Variants in EVL observed in about 807,000 individuals in gnomAD.
The protein encoded by EVL is ena/VASP-like protein.
A neutral mutation model predicts 59.6 loss-of-function variants in EVL; 21 were observed. The ratio of observed to expected loss-of-function variants is 0.35; its 90% CI spans 0.25 to 0.51. EVL has a LOEUF of 0.51. EVL is among the 20% of genes least tolerant of loss of function. The probability of loss-of-function intolerance (pLI) is 0.97; values close to 1 mark genes in which losing one functional copy is unlikely to be tolerated. For missense variants in EVL, 462 were observed against 546.6 expected, an observed-to-expected ratio of 0.85 and a Z score of 1.54; for synonymous variants, 198 against 203.5, an observed-to-expected ratio of 0.97 and a Z score of 0.23.
intron 1 of EVL, chr14:100,074,632 A>T (rs1595135700): frequency 6.5e-6 from 1 of 152,720 alleles, no homozygotes; most frequent in East Asian, 1.9e-4. Context: ...GCTGGCCTTA[A>T]CTCTCTGTAC....
intron 1 of EVL, among the ~76,000 whole-genome samples, chr14:99,993,941 G>GC (rs1246759796): frequency 6.6e-6 from 1 of 151,562 alleles, no homozygotes; most frequent in Non-Finnish European, 1.5e-5. Flanking sequence ...TGATCTGCCT[G>GC]CCTCAGCTTC....
chr14:100,010,540 C>T (rs752660159), intron 1 of EVL, among the ~76,000 whole-genome samples: 8 of 152,196 alleles, frequency 5.3e-5, no homozygotes, highest in Non-Finnish European at 8.8e-5. Context: ...GGATTACAGG[C>T]ATGTGCCACC....
chr14:100,129,494 C>T, intron 6 of EVL, 69 bp from the exon 7 acceptor site: 2 of 1,603,680 alleles, frequency 1.2e-6, no homozygotes, highest in Non-Finnish European at 1.7e-6. Context: ...CCTGCATCCC[C>T]TCACATCGTT....
intron 5 of EVL, 85 bp downstream of exon 5, chr14:100,126,856 G>A (rs756116377): frequency 1.8e-4 from 235 of 1,341,216 alleles, no homozygotes; most frequent in Non-Finnish European, 2.0e-4. Flanking sequence ...AGGGACACAC[G>A]GGGCGCTCTG....
chr14:100,039,654 AAAC>A (rs906598644), intron 1 of EVL, among the ~76,000 whole-genome samples: 8 of 146,954 alleles, frequency 5.4e-5, no homozygotes, highest in Non-Finnish European at 1.1e-4. Context: ...ATTTCTAAAT[AAAC>A]AACAACAGTG....
chr14:99,971,656 G>C (rs1292520612), exon 1 of EVL: 2 of 150,136 alleles, frequency 1.3e-5, no homozygotes, highest in Admixed American at 1.3e-4. Flanking sequence ...GGAGCCGCCC[G>C]CGCACTCGCC....
chr14:100,023,035 C>T (rs1440306713), intron 1 of EVL, among the ~76,000 whole-genome samples: 2 of 152,080 alleles, frequency 1.3e-5, no homozygotes, highest in Non-Finnish European at 2.9e-5. Flanking sequence ...CTGCCTGGGT[C>T]CCACGCCTAG....
At chr14:99,981,636 T>C (rs2060806944) in intron 1 of EVL, among the ~76,000 whole-genome samples, 7 of 152,208 alleles carry the variant, frequency 4.6e-5, no homozygotes, top group Admixed American at 4.6e-4. Context: ...AGAAAGCAAG[T>C]CACATGAATT....
chr14:100,139,290 G>A (rs904796237), intron 11 of EVL: 8 of 152,262 alleles, frequency 5.3e-5, no homozygotes, highest in South Asian at 4.1e-4. Flanking sequence ...CTTGGAATAG[G>A]GTCTCTCTTC....
chr14:100,047,118 CTT>C (rs869205625), intron 1 of EVL, among the ~76,000 whole-genome samples: 1 of 23,892 alleles, frequency 4.2e-5, no homozygotes, highest in African/African-American at 1.4e-4. Context: ...ATCTCTCTCT[CTT>C]TTTTTTTTTT....
chr14:100,102,414 C>T, intron 3 of EVL: 2 of 455,450 alleles, frequency 4.4e-6, no homozygotes, highest in Admixed American at 2.4e-5. Context: ...GATAAGTACA[C>T]CTCCTTGGCT....
At position 100,127,799 on chromosome 14, in the gene EVL, G is replaced by A. The variant is rs937087605; in HGVS notation, c.488-720G>A. ...GCCCCTCTTTGTATGCCAACATGGC[G>A]CCGTGTGCCTGCCCTTGGTAACACT... On this transcript the variant is annotated intron_variant, in intron 5 of 13. Coordinates refer to ENST00000392920, the MANE Select transcript of EVL (RefSeq NM_016337.3). The surrounding 1 kb of genome is among the most constrained non-coding windows in gnomAD (Gnocchi z 4.2). Among the ~76,000 whole-genome samples the A allele has an allele frequency of 8.5e-5, 13 of 152,106 alleles. No homozygotes were observed. The highest frequency in any genetic ancestry group is 4.1e-4 in the South Asian group (2 of 4,820).
chr14:100,086,660 AAG>A, intron 2 of EVL, among the ~76,000 whole-genome samples: 1 of 152,184 alleles, frequency 6.6e-6, no homozygotes, highest in African/African-American at 2.4e-5. Context: ...CATGTTGAGA[AAG>A]AGACCTTTTC....
chr14:99,972,785 T>G lies in EVL; in HGVS notation c.5+728T>G, dbSNP rs765595285. The stretch of plus-strand genomic sequence containing the variant: ...CTTCCTCTCCAGATCCTGTCGTGAC[T>G]TTTTTGGGGTAATCACTTTTTTTTT... On this transcript the variant is annotated intron_variant, in intron 1 of 13. Transcript: ENST00000402714. The surrounding 1 kb of genome is among the most constrained non-coding windows in gnomAD (Gnocchi z 4.4). 3.3e-5 allele frequency among the ~76,000 whole-genome samples: 5 copies of G among 151,932 alleles called. No individual in the cohort carries two copies. The highest frequency in any genetic ancestry group is 5.9e-5 in the Non-Finnish European group (4 of 67,976).
At chr14:100,133,084 A>G (rs1222436894) in intron 8 of EVL, among the ~76,000 whole-genome samples, 1 of 152,220 alleles carries the variant, frequency 6.6e-6, no homozygotes, top group Non-Finnish European at 1.5e-5. Flanking sequence ...GGGAGCACAG[A>G]CCAGCCAGGG....
intron 1 of EVL, among the ~76,000 whole-genome samples, chr14:100,018,324 G>GCC (rs1566970168): frequency 2.6e-5 from 4 of 152,250 alleles, no homozygotes; most frequent in Non-Finnish European, 5.9e-5. Context: ...CCCGAGAAGG[G>GCC]AGGTCCTGAC....
At chr14:99,975,087 A>G (rs2060761345) in intron 1 of EVL, 1 of 152,478 alleles carries the variant, frequency 6.6e-6, no homozygotes, top group Non-Finnish European at 1.5e-5. Flanking sequence ...CCTGGATGCC[A>G]CTGCTGTGGC....
intron 1 of EVL, among the ~76,000 whole-genome samples, chr14:100,015,799 A>T (rs888067182): frequency 6.6e-6 from 1 of 152,240 alleles, no homozygotes; most frequent in Admixed American, 6.5e-5. Context: ...GGCTGGGCAC[A>T]GTGGCTCATG....
chr14:100,128,821 C>T (rs1214423197), intron 6 of EVL, 73 bp downstream of exon 6: 1 of 1,340,876 alleles, frequency 7.5e-7, no homozygotes, highest in African/African-American at 1.4e-5. Context: ...CGCTTGTGTT[C>T]CTTCCCGCAT....
Sources: allele counts gnomAD v4.1 joint callset (sites outside exome capture counted in the v4.1 genomes callset), GRCh38; gene constraint gnomAD v4.1.1; non-coding constraint Gnocchi (gnomAD v3.1); transcripts MANE v1.5; gene names NCBI Gene and HGNC (gene_info 2026-07-23, HGNC 2026-07-21).